CPAP: variants seen among roughly 807,000 people sequenced by gnomAD.
The protein encoded by CPAP is centrosomal P4.1-associated protein.
the CPAP span, among the ~76,000 whole-genome samples, chr13:24,915,470 G>C: frequency 6.6e-6 from 1 of 152,170 alleles, no homozygotes; most frequent in Non-Finnish European, 1.5e-5. Flanking sequence ...TTAAAGCCTT[G>C]ACACTGGATG....
the CPAP span, chr13:24,899,731 G>A: frequency 4.3e-6 from 3 of 697,828 alleles, no homozygotes; most frequent in East Asian, 2.7e-5. Context: ...ACTCACTAAA[G>A]CATTCATCCA....
the CPAP span, among the ~76,000 whole-genome samples, chr13:24,890,422 GGCCCTACGGGTCCTCGACCCCCAGT>G: frequency 6.6e-6 from 1 of 151,998 alleles, no homozygotes; most frequent in Non-Finnish European, 1.5e-5. Context: ...CAGCTGACAT[GGCCCTACGGGTCCTCGACCCCCAGT>G]GCTTGCCATG....
the CPAP span, among the ~76,000 whole-genome samples, chr13:24,896,210 G>A: frequency 1.4e-3 from 217 of 152,308 alleles, 6 homozygotes; most frequent in East Asian, 0.036. Flanking sequence ...AACCAAGTAC[G>A]AACAGGGTCC....
chr13:24,902,228 G>A, the CPAP span, among the ~76,000 whole-genome samples: 36 of 63,312 alleles, frequency 5.7e-4, 1 homozygote, highest in East Asian at 5.2e-3. Flanking sequence ...CCGAAATAGG[G>A]AAAATGCTAA....
chr13:24,883,283 G>A, the CPAP span: 1 of 1,613,826 alleles, frequency 6.2e-7, no homozygotes, highest in Non-Finnish European at 8.5e-7. Context: ...GGTTTTAACA[G>A]TGCCATCTGG....
At chr13:24,891,992 T>C in the CPAP span, among the ~76,000 whole-genome samples, 7 of 152,078 alleles carry the variant, frequency 4.6e-5, no homozygotes, top group African/African-American at 1.7e-4. Context: ...GCGACGCCAC[T>C]CCACAGCCCT....
the CPAP span, among the ~76,000 whole-genome samples, chr13:24,914,494 C>T: frequency 6.6e-6 from 1 of 152,200 alleles, no homozygotes; most frequent in South Asian, 2.1e-4. Flanking sequence ...TCAGCAAAAT[C>T]CCCATTATCC....
the CPAP span, chr13:24,933,433 A>G: frequency 8.4e-6 from 2 of 236,926 alleles, no homozygotes; most frequent in African/African-American, 4.4e-5. Flanking sequence ...AGTCAAATCT[A>G]TTCTTGAAGG....
At chr13:24,906,757 T>G in the CPAP span, 1 of 1,614,172 alleles carries the variant, frequency 6.2e-7, no homozygotes, top group Non-Finnish European at 8.5e-7. Context: ...GCTCTTTATT[T>G]TTAAGAGCGG....
At chr13:24,926,707 C>T in the CPAP span, among the ~76,000 whole-genome samples, 1 of 152,154 alleles carries the variant, frequency 6.6e-6, no homozygotes, top group Admixed American at 6.5e-5. Flanking sequence ...ACTACAGTTA[C>T]GGGACCCTGT....
chr13:24,884,046 A>G, the CPAP span: 4 of 1,614,036 alleles, frequency 2.5e-6, no homozygotes, highest in Non-Finnish European at 3.4e-6. Flanking sequence ...TCTGGTCAGG[A>G]AACGTGATTT....
the CPAP span, chr13:24,885,836 G>GTACT: frequency 1.6e-6 from 1 of 625,354 alleles, no homozygotes; most frequent in Non-Finnish European, 2.9e-6. Flanking sequence ...TCCGACACAG[G>GTACT]TACTTAAGTC....
At chr13:24,884,129 G>GAATT in the CPAP span, 633,868 of 1,611,802 alleles carry the variant, frequency 0.39, 127,146 homozygotes, top group Admixed American at 0.46. Flanking sequence ...AGGAAGGGAA[G>GAATT]AATTTAATGA....
the CPAP span, among the ~76,000 whole-genome samples, chr13:24,887,013 C>A: frequency 6.6e-6 from 1 of 152,070 alleles, no homozygotes; most frequent in South Asian, 2.1e-4. Context: ...GTGAACCCAC[C>A]TTAAAAATAC....
the CPAP span, chr13:24,924,684 AG>A: frequency 6.6e-6 from 1 of 152,214 alleles, no homozygotes; most frequent in African/African-American, 2.4e-5. Flanking sequence ...GTTGTGGCAC[AG>A]GGGTTTTAAT....
the CPAP span, among the ~76,000 whole-genome samples, chr13:24,923,687 T>C: frequency 6.6e-6 from 1 of 152,234 alleles, no homozygotes; most frequent in African/African-American, 2.4e-5. Context: ...CCGTTATAAC[T>C]GAAACAAACG....
chr13:24,912,951 A>C, the CPAP span: 1 of 1,614,224 alleles, frequency 6.2e-7, no homozygotes. Context: ...CCCCAGCCCG[A>C]GAAGGATTGG....
chr13:24,889,638 G>C, the CPAP span, among the ~76,000 whole-genome samples: 1 of 152,240 alleles, frequency 6.6e-6, no homozygotes, highest in South Asian at 2.1e-4. Flanking sequence ...GACACAGTAG[G>C]CAAGGTTACC....
the CPAP span, chr13:24,933,062 G>A: frequency 9.3e-5 from 148 of 1,587,436 alleles, no homozygotes; most frequent in Middle Eastern, 3.5e-4. Context: ...TACTTACCTC[G>A]GCAGCAGAAG....
Sources: allele counts gnomAD v4.1 joint callset (sites outside exome capture counted in the v4.1 genomes callset), GRCh38; gene constraint gnomAD v4.1.1; transcripts MANE v1.5; gene names NCBI Gene and HGNC (gene_info 2026-07-23, HGNC 2026-07-21).